OSBPL10: variants seen among roughly 807,000 people sequenced by gnomAD.
The protein encoded by OSBPL10 is oxysterol binding protein like 10, also known as oxysterol-binding protein-related protein 10.
In OSBPL10, 49 loss-of-function variants were observed where a neutral mutation model predicts 81.7. That is an observed-to-expected ratio of 0.60 (90% CI 0.48 to 0.76). The LOEUF is 0.76. Ranked by LOEUF, OSBPL10 falls within the 30% of genes least tolerant of loss-of-function variation. OSBPL10 has a pLI of 0.00. For missense variants in OSBPL10, 923 were observed against 987.8 expected (o/e 0.93, Z 0.88); for synonymous variants, 419 against 383.6 (o/e 1.09, Z -1.08).
At chr3:32,028,927 G>GACAC (rs58442955) in intron 2 of OSBPL10, among the ~76,000 whole-genome samples, 2,333 of 105,062 alleles carry the variant, frequency 0.022, 43 homozygotes, top group African/African-American at 0.041. Flanking sequence ...AGCTAGTCAG[G>GACAC]ACACACACAC....
rs769839769 is a variant in OSBPL10, at chr3:31,932,370, C to T, written c.281+48529G>A. Among the ~76,000 whole-genome samples, 12 of 152,256 alleles carry T rather than the reference C, an allele frequency of 7.9e-5. No homozygotes were observed. In the East Asian group the frequency reaches 1.7e-3, roughly 22 times the overall value. On this transcript the variant is annotated intron_variant, in intron 1 of 11. Coordinates refer to ENST00000396556, the MANE Select transcript of OSBPL10 (RefSeq NM_017784.5). ...TCAAATTCAATGCCCTAAGTGATTT[C>T]GCTTCCTGCCTTTCAAATGGGATAC...
At chr3:31,928,762 C>CAAAAAAAAAAAAAAAAAAAAAAA (rs58345341) in intron 1 of OSBPL10, among the ~76,000 whole-genome samples, 2 of 95,064 alleles carry the variant, frequency 2.1e-5, no homozygotes, top group African/African-American at 6.5e-5. Context: ...GACTTGTCTC[C>CAAAAAAAAAAAAAAAAAAAAAAA]AAAAAAAAAA....
rs893875743 is a variant in OSBPL10, at chr3:31,661,397, T to G, written c.*675A>C. The stretch of plus-strand genomic sequence containing the variant: ...CCATGAGAGACGGGTGGAAAACTCC[T>G]TGGTGGGCCTTGGCTCTTAGTTGTC... On this transcript the variant is annotated 3_prime_UTR_variant, in exon 12 of 12. Transcript: ENST00000396556. The G allele has an allele frequency of 6.6e-5, 10 of 152,354 alleles. No individual in the cohort carries two copies. The highest frequency in any genetic ancestry group is 4.6e-4 in the Admixed American group (7 of 15,306). 9.4% of individuals were successfully genotyped at this position (152,354 alleles called of 1,614,324 possible).
At chr3:31,745,376 T>A (rs1340366027) in intron 5 of OSBPL10, among the ~76,000 whole-genome samples, 1 of 152,158 alleles carries the variant, frequency 6.6e-6, no homozygotes, top group Non-Finnish European at 1.5e-5. Flanking sequence ...TTATAATACA[T>A]AAATATAAGG....
intron 3 of OSBPL10, among the ~76,000 whole-genome samples, chr3:31,868,782 C>G (rs1487287543): frequency 6.6e-6 from 1 of 152,176 alleles, no homozygotes; most frequent in East Asian, 1.9e-4. Context: ...AATCACTTGA[C>G]TTTTGTTCTT....
intron 1 of OSBPL10, among the ~76,000 whole-genome samples, chr3:32,075,652 C>T (rs6792174): frequency 0.68 from 103,739 of 152,042 alleles, 38,165 homozygotes; most frequent in East Asian, 0.89. Flanking sequence ...CCCCTAATCC[C>T]GCTTGAAGCA....
intron 1 of OSBPL10, among the ~76,000 whole-genome samples, chr3:32,070,729 C>G (rs1309039401): frequency 6.6e-6 from 1 of 152,216 alleles, no homozygotes; most frequent in Non-Finnish European, 1.5e-5. Context: ...TGCACCTTAT[C>G]AACCAAATTG....
chr3:31,968,413 G>A (rs1286695349), intron 1 of OSBPL10, among the ~76,000 whole-genome samples: 1 of 151,676 alleles, frequency 6.6e-6, no homozygotes, highest in African/African-American at 2.4e-5. Context: ...AAGGAAGCAA[G>A]CCTTCAGATA....
intron 4 of OSBPL10, among the ~76,000 whole-genome samples, chr3:31,755,293 T>C (rs1331857200): frequency 1.3e-5 from 2 of 152,180 alleles, no homozygotes; most frequent in African/African-American, 4.8e-5. Context: ...TGCCTAACGG[T>C]ATAATAGTCT....
chr3:31,957,417 G>A (rs1325090434), intron 1 of OSBPL10, among the ~76,000 whole-genome samples: 1 of 152,146 alleles, frequency 6.6e-6, no homozygotes, highest in Non-Finnish European at 1.5e-5. Context: ...GAACTGCACT[G>A]GCGAACACCA....
Position 31,668,629 on chromosome 3 carries a change from G to A in OSBPL10, c.2096+13C>T. The A allele has an allele frequency of 1.2e-6, 2 of 1,604,508 alleles. No homozygotes were observed. Among genetic ancestry groups the A allele is most frequent in the East Asian group, 2.2e-5 (1 of 44,776 alleles). The stretch of plus-strand genomic sequence containing the variant: ...TGACTAAGCTGGAGAGGAAGACACA[G>A]CCCGGTTCTCACCTGGACTCCATGG... On this transcript the variant is annotated intron_variant, in intron 10 of 11. Coordinates refer to ENST00000396556, the MANE Select transcript of OSBPL10 (RefSeq NM_017784.5).
intron 3 of OSBPL10, among the ~76,000 whole-genome samples, chr3:31,840,378 C>T (rs1051812175): frequency 6.6e-6 from 1 of 152,220 alleles, no homozygotes; most frequent in East Asian, 1.9e-4. Flanking sequence ...CCCAAATGCT[C>T]AGGCACAAAA....
intron 1 of OSBPL10, among the ~76,000 whole-genome samples, chr3:31,949,667 CAAAAAAAAAAAAAAAAAAAAAA>C (rs56002214): frequency 4.2e-4 from 11 of 26,258 alleles, no homozygotes; most frequent in African/African-American, 1.6e-3. Context: ...GACTCTGTCT[CAAAAAAAAAAAAAAAAAAAAAA>C]AAAAAAAAAA....
intron 4 of OSBPL10, among the ~76,000 whole-genome samples, chr3:31,775,348 T>C: frequency 6.6e-6 from 1 of 151,168 alleles, no homozygotes; most frequent in Non-Finnish European, 1.5e-5. Flanking sequence ...AACAGAAACA[T>C]GCAGAGAAGG....
intron 4 of OSBPL10, among the ~76,000 whole-genome samples, chr3:31,822,851 T>C (rs907555141): frequency 4.1e-5 from 6 of 144,744 alleles, no homozygotes; most frequent in African/African-American, 1.5e-4. Context: ...GAGTTGGAGG[T>C]TGCAATGAGT....
chr3:31,830,096 C>T lies in OSBPL10; in HGVS notation c.673G>A (p.Ala225Thr), dbSNP rs1169962812. The T allele has an allele frequency of 1.2e-6, 2 of 1,614,096 alleles. No individual in the cohort carries two copies. The highest frequency in any genetic ancestry group is 1.1e-5 in the South Asian group (1 of 91,068). ...TGACTCTTGGCTCTTCGGGCGGCTG[C>T]AGGCGACTTGTGATGCGTGATTGTG... ...VVTITHHKSP[A>T]AARRAKSQYS... The change falls in exon 4 of 12, where the codon GCA becomes ACA. Residue 225 changes from alanine (A) to threonine (T), a missense_variant. By Grantham distance (58) the Ala-to-Thr change is moderately conservative. Around this residue, in one of 3 missense-constraint regions of OSBPL10, gnomAD observed 514 missense variants for 508.0 expected, o/e 1.01. Coordinates refer to ENST00000396556, the MANE Select transcript of OSBPL10 (RefSeq NM_017784.5).
rs1696867658 is a variant in OSBPL10 at position 31,920,096 on chromosome 3, T to C, written c.282-40266A>G. ...TGTAAAGAATTTAAAATGCAGAAGA[T>C]GGAAAAGGTAAAACTATAAAGACAT... On this transcript the variant is annotated intron_variant, in intron 1 of 11. Coordinates refer to ENST00000396556, the MANE Select transcript of OSBPL10 (RefSeq NM_017784.5). 2.0e-5 allele frequency among the ~76,000 whole-genome samples: 3 copies of C among 152,056 alleles called. No individual in the cohort carries two copies. The South Asian group carries it at 6.2e-4, about 32-fold the overall frequency.
intron 4 of OSBPL10, among the ~76,000 whole-genome samples, chr3:31,792,954 A>C (rs1699069975): frequency 6.6e-6 from 1 of 151,000 alleles, no homozygotes; most frequent in Non-Finnish European, 1.5e-5. Flanking sequence ...TTCTGGAAGT[A>C]CCAGGGTCTG....
intron 8 of OSBPL10, among the ~76,000 whole-genome samples, chr3:31,678,788 G>GTGTGTGTGTGTGTGTGTA (rs1428778892): frequency 1.0e-4 from 6 of 60,168 alleles, no homozygotes; most frequent in African/African-American, 6.3e-4. Flanking sequence ...CAAACTGTGT[G>GTGTGTGTGTGTGTGTGTA]TGTGTGTGTG....
Sources: allele counts gnomAD v4.1 joint callset (sites outside exome capture counted in the v4.1 genomes callset), GRCh38; gene constraint gnomAD v4.1.1; regional missense constraint gnomAD v4.1.1; transcripts MANE v1.5; gene names NCBI Gene and HGNC (gene_info 2026-07-23, HGNC 2026-07-21).